The following C4orf17 variants were observed in gnomAD, a reference collection of about 807,000 sequenced individuals.
C4orf17 encodes uncharacterized protein C4orf17.
A neutral mutation model predicts 32.0 loss-of-function variants in C4orf17; 25 were observed. The observed-to-expected ratio is 0.78, with a 90% CI of 0.57 to 1.09. C4orf17 has a LOEUF of 1.09. Among genes scored for constraint, C4orf17 ranks in the 50% least tolerant of loss-of-function variants. The probability of loss-of-function intolerance (pLI) is 0.00; values close to 1 mark genes in which losing one functional copy is unlikely to be tolerated. For synonymous variants in C4orf17, 149 were observed against 145.8 expected (o/e 1.02, Z -0.16); for missense variants, 420 against 420.0 (o/e 1.00, Z 0.00).
chr4:99,535,823 T>C, intron 5 of C4orf17: 1 of 380,742 alleles, frequency 2.6e-6, no homozygotes, highest in Non-Finnish European at 5.1e-6. Flanking sequence ...CCCTGGCTTT[T>C]TGAGTTTTCA....
intron 2 of C4orf17, among the ~76,000 whole-genome samples, chr4:99,518,542 TATAGAGAG>T (rs1294950764): frequency 4.5e-4 from 27 of 60,138 alleles, no homozygotes; most frequent in South Asian, 2.1e-3. Flanking sequence ...TATATATATA[TATAGAGAG>T]AGAGAGAGAG....
At chr4:99,532,225 TA>T (rs1723488213) in intron 5 of C4orf17, among the ~76,000 whole-genome samples, 1 of 152,006 alleles carries the variant, frequency 6.6e-6, no homozygotes, top group Admixed American at 6.6e-5. Context: ...TAAATTGTTC[TA>T]AAAGATAAAA....
intron 5 of C4orf17, among the ~76,000 whole-genome samples, chr4:99,537,406 C>A (rs1337614627): frequency 3.3e-5 from 5 of 152,234 alleles, no homozygotes; most frequent in African/African-American, 1.2e-4. Flanking sequence ...CAGCTAATGC[C>A]CTCTTGTGAG....
intron 2 of C4orf17, among the ~76,000 whole-genome samples, chr4:99,518,503 A>T (rs1723224384): frequency 2.8e-5 from 2 of 70,304 alleles, no homozygotes; most frequent in Non-Finnish European, 4.9e-5. Flanking sequence ...AAAAAAAAAA[A>T]AAAAAAAAAA....
rs1723448567 is a variant in C4orf17 at position 99,529,839 on chromosome 4, C to T, written c.427C>T (p.Pro143Ser). 1.2e-6 allele frequency: 2 copies of T among 1,610,984 alleles called. No homozygotes were observed. The highest frequency in any genetic ancestry group is 1.7e-5 in the Admixed American group (1 of 59,690). Residue 143 changes from proline to serine, a missense_variant, in exon 5 of 9, where the codon CCA becomes TCA. Coordinates refer to ENST00000326581, the MANE Select transcript of C4orf17 (RefSeq NM_032149.3). ...KKEEIKAKRP[P>S]SPPKACSTPG... Reference sequence around the variant, plus strand: ...GGAAGAAATTAAGGCCAAAAGACCACCATCACCTCCAAAGGCATGCTCTAC... The same window carrying T: ...GGAAGAAATTAAGGCCAAAAGACCATCATCACCTCCAAAGGCATGCTCTAC...
intron 5 of C4orf17, among the ~76,000 whole-genome samples, chr4:99,534,413 C>T (rs11097666): frequency 0.07 from 10,729 of 152,228 alleles, 637 homozygotes; most frequent in African/African-American, 0.16. Flanking sequence ...CATGACTTTG[C>T]TATTGCGAAT....
rs773234061 is a variant in C4orf17 at position 99,513,036 on chromosome 4, A to G, written c.-46A>G. The G allele has an allele frequency of 1.2e-6, 2 of 1,610,396 alleles. No homozygotes were observed. On this transcript the variant is annotated 5_prime_UTR_variant, in exon 2 of 9. Coordinates refer to ENST00000326581, the MANE Select transcript of C4orf17 (RefSeq NM_032149.3). The stretch of plus-strand genomic sequence containing the variant: ...AGGTCAATCAAGTTAGACCCCAAAA[A>G]CTTTTGTGACAACAGTGAAGAGGGG...
intron 2 of C4orf17, among the ~76,000 whole-genome samples, chr4:99,518,507 AAAAAAAAAAAAATATATAT>A (rs1560585453): frequency 5.4e-5 from 4 of 73,994 alleles, no homozygotes; most frequent in African/African-American, 3.4e-4. Context: ...AAAAAAAAAA[AAAAAAAAAAAAATATATAT>A]ATATATATAT....
intron 3 of C4orf17, among the ~76,000 whole-genome samples, chr4:99,524,025 C>G (rs374055532): frequency 2.3e-4 from 33 of 145,410 alleles, no homozygotes; most frequent in East Asian, 1.0e-3. Context: ...TGTCGCCCAG[C>G]CTGGAGTGCA....
intron 5 of C4orf17, chr4:99,536,055 T>C (rs1723556033): frequency 4.7e-6 from 2 of 424,568 alleles, no homozygotes; most frequent in Non-Finnish European, 9.3e-6. Flanking sequence ...GTATCATCAG[T>C]GAGAGTTGCA....
At chr4:99,529,734 CTCAT>C in intron 4 of C4orf17, 77 bp from the exon 5 acceptor site, 1 of 1,180,278 alleles carries the variant, frequency 8.5e-7, no homozygotes, top group Non-Finnish European at 1.2e-6. Context: ...CACAATATTT[CTCAT>C]TCATTTTACA....
intron 1 of C4orf17, among the ~76,000 whole-genome samples, chr4:99,512,733 T>C (rs1723114236): frequency 6.6e-6 from 1 of 152,188 alleles, no homozygotes; most frequent in Non-Finnish European, 1.5e-5. Context: ...AAACAGAATA[T>C]ACTTTATACT....
rs1339202880 is a variant in C4orf17, at chr4:99,511,266, T to C, written c.-100T>C. 6.6e-6 allele frequency: 1 copy of C among 152,176 alleles called. No individual in the cohort carries two copies. Among genetic ancestry groups the C allele is most frequent in the Non-Finnish European group, 1.5e-5 (1 of 68,022 alleles). 9.4% of individuals were successfully genotyped at this position (152,176 alleles called of 1,614,324 possible). A position where few individuals can be genotyped will look rare whatever the true frequency, so the allele number is the denominator to read the frequency against. On this transcript the variant is annotated 5_prime_UTR_variant, in exon 1 of 9. Transcript: ENST00000326581. ...GCAAGATCACCTGCTTTTAATATTGTCCTCAGGTATAATTTTAAATTCATC... is the reference window on the plus strand; with the variant it reads ...GCAAGATCACCTGCTTTTAATATTGCCCTCAGGTATAATTTTAAATTCATC...
chr4:99,514,357 C>T (rs1036455416), intron 2 of C4orf17, among the ~76,000 whole-genome samples: 83 of 151,778 alleles, frequency 5.5e-4, no homozygotes, highest in African/African-American at 1.9e-3. Context: ...ACTACGCATC[C>T]GACAAAGGAC....
At chr4:99,513,954 G>A (rs1041716541) in intron 2 of C4orf17, among the ~76,000 whole-genome samples, 2 of 152,084 alleles carry the variant, frequency 1.3e-5, no homozygotes, top group African/African-American at 4.8e-5. Flanking sequence ...AGAATTGTTT[G>A]GACTTCATGG....
Position 99,539,163 on chromosome 4 carries a change from A to G in C4orf17, c.629A>G (p.Glu210Gly). 1 of 1,613,664 alleles carries G rather than the reference A, an allele frequency of 6.2e-7. No individual in the cohort carries two copies. The highest frequency in any genetic ancestry group is 8.5e-7 in the Non-Finnish European group (1 of 1,179,620). The change falls in exon 7 of 9, where the codon GAA becomes GGA. Residue 210 changes from glutamate to glycine, a missense_variant and splice_region_variant. Transcript: ENST00000326581. Reference protein sequence around the residue: ...LQWLLHATSKEKEWVSALIHS... With the variant: ...LQWLLHATSKGKEWVSALIHS... ...CACCCTTTTTTGTCTTTTAAACCAG[A>G]AAAAGAGTGGGTCTCAGCTTTGATT...
intron 5 of C4orf17, chr4:99,536,109 T>C (rs144897120): frequency 8.4e-5 from 30 of 359,194 alleles, no homozygotes; most frequent in Middle Eastern, 7.7e-4. Context: ...GGGATCTCCA[T>C]CCTAGGGGGG....
chr4:99,537,542 A>G (rs1336779475), intron 5 of C4orf17, 127 bp from the exon 6 acceptor site: 4 of 679,644 alleles, frequency 5.9e-6, no homozygotes, highest in East Asian at 5.2e-5. Context: ...AAAAATCCCA[A>G]TTAACTAAAT....
At chr4:99,528,252 T>C (rs1216874437) in intron 4 of C4orf17, among the ~76,000 whole-genome samples, 1 of 152,182 alleles carries the variant, frequency 6.6e-6, no homozygotes, top group Non-Finnish European at 1.5e-5. Context: ...TCAATAAGTT[T>C]ATTGATTTTA....
Sources: allele counts gnomAD v4.1 joint callset (sites outside exome capture counted in the v4.1 genomes callset), GRCh38; gene constraint gnomAD v4.1.1; transcripts MANE v1.5; gene names NCBI Gene and HGNC (gene_info 2026-07-23, HGNC 2026-07-21).